Variants in KCND2 observed in about 807,000 individuals in gnomAD.
KCND2 encodes potassium voltage-gated channel subfamily D member 2.
Under a neutral mutation model 54.4 loss-of-function variants are expected in KCND2, and 16 were observed. The ratio of observed to expected loss-of-function variants is 0.29; its 90% CI spans 0.20 to 0.45. The LOEUF (loss-of-function observed/expected upper bound fraction) is 0.45, where lower values mean the gene tolerates loss of function less well. Ranked by LOEUF, KCND2 falls within the 20% of genes least tolerant of loss-of-function variation. KCND2 has a pLI of 1.00. For missense variants in KCND2, 486 were observed against 824.2 expected (o/e 0.59, Z 5.02); for synonymous variants, 317 against 310.7 (o/e 1.02, Z -0.21).
chr7:120,586,156 C>G (rs1162353169), intron 1 of KCND2, among the ~76,000 whole-genome samples: 1 of 151,816 alleles, frequency 6.6e-6, no homozygotes, highest in Non-Finnish European at 1.5e-5. Context: ...TAGCTGTATA[C>G]TCACACACAG....
chr7:120,315,858 A>T (rs960913930), intron 1 of KCND2, among the ~76,000 whole-genome samples: 2 of 151,532 alleles, frequency 1.3e-5, no homozygotes, highest in African/African-American at 4.9e-5. Flanking sequence ...TGGACTAAAA[A>T]TTTGATCCAT....
chr7:120,353,627 T>C (rs1026379083), intron 1 of KCND2, among the ~76,000 whole-genome samples: 1 of 152,082 alleles, frequency 6.6e-6, no homozygotes, highest in Non-Finnish European at 1.5e-5. Flanking sequence ...AGACTATCTA[T>C]AGGGCGTCTA....
chr7:120,572,786 G>A (rs1182805654), intron 1 of KCND2, among the ~76,000 whole-genome samples: 2 of 152,170 alleles, frequency 1.3e-5, no homozygotes, highest in Non-Finnish European at 2.9e-5. Context: ...GCATCCCAAA[G>A]TACTAGAATT....
chr7:120,519,019 G>A (rs529191958), intron 1 of KCND2, among the ~76,000 whole-genome samples: 1 of 152,020 alleles, frequency 6.6e-6, no homozygotes, highest in African/African-American at 2.4e-5. Context: ...AAATGGAGGG[G>A]CAATGTGATA....
chr7:120,548,898 G>A (rs374656099), intron 1 of KCND2, among the ~76,000 whole-genome samples: 5 of 152,216 alleles, frequency 3.3e-5, no homozygotes, highest in African/African-American at 9.6e-5. Flanking sequence ...AAAAGTGAGG[G>A]ATACACTTTG....
intron 1 of KCND2, among the ~76,000 whole-genome samples, chr7:120,524,773 A>C (rs1791752604): frequency 6.6e-6 from 1 of 152,206 alleles, no homozygotes; most frequent in Non-Finnish European, 1.5e-5. Context: ...TAAAATACTC[A>C]CAAGAGATAC....
chr7:120,432,126 GTT>G (rs1375122713), intron 1 of KCND2, among the ~76,000 whole-genome samples: 1 of 152,020 alleles, frequency 6.6e-6, no homozygotes, highest in Non-Finnish European at 1.5e-5. Context: ...GTCATTACTT[GTT>G]CCTTGAGTAT....
At chr7:120,664,644 A>G (rs1163613557) in intron 1 of KCND2, among the ~76,000 whole-genome samples, 1 of 152,098 alleles carries the variant, frequency 6.6e-6, no homozygotes, top group Non-Finnish European at 1.5e-5. Context: ...TAGGTTTTCA[A>G]GCACAAGTAA....
intron 1 of KCND2, among the ~76,000 whole-genome samples, chr7:120,560,421 G>A (rs17281865): frequency 0.086 from 13,021 of 152,090 alleles, 640 homozygotes; most frequent in South Asian, 0.089. Flanking sequence ...ACGGAAAAGC[G>A]ACAGTAAAAT....
chr7:120,691,935 G>C (rs1792274471), intron 1 of KCND2, among the ~76,000 whole-genome samples: 1 of 152,200 alleles, frequency 6.6e-6, no homozygotes, highest in South Asian at 2.1e-4. Flanking sequence ...TTTCAAGGAG[G>C]ACCTTGTGGT....
intron 1 of KCND2, among the ~76,000 whole-genome samples, chr7:120,392,636 T>A (rs2116055717): frequency 6.6e-6 from 1 of 152,036 alleles, no homozygotes; most frequent in African/African-American, 2.4e-5. Flanking sequence ...TAAAAGTACG[T>A]TTTTCACGAC....
intron 1 of KCND2, among the ~76,000 whole-genome samples, chr7:120,531,527 A>G (rs1791843133): frequency 6.6e-6 from 1 of 151,996 alleles, no homozygotes; most frequent in Non-Finnish European, 1.5e-5. Context: ...CTCCTCAAAT[A>G]TTCTTCTCCA....
At chr7:120,634,673 T>C (rs112281902) in intron 1 of KCND2, among the ~76,000 whole-genome samples, 150 of 152,350 alleles carry the variant, frequency 9.8e-4, no homozygotes, top group African/African-American at 3.2e-3. Context: ...GACCATCTCC[T>C]TTCTATCCTC....
chr7:120,573,766 C>A (rs867038297), intron 1 of KCND2, among the ~76,000 whole-genome samples: 2 of 151,936 alleles, frequency 1.3e-5, no homozygotes, highest in African/African-American at 2.4e-5. Context: ...GATATAGTCA[C>A]AAAGTACTAA....
At chr7:120,595,460 A>AAAAAT (rs1418247126) in intron 1 of KCND2, among the ~76,000 whole-genome samples, 1 of 112,950 alleles carries the variant, frequency 8.9e-6, no homozygotes, top group African/African-American at 3.1e-5. Flanking sequence ...CCAAAAAAAA[A>AAAAAT]ATATATATAT....
intron 1 of KCND2, among the ~76,000 whole-genome samples, chr7:120,328,210 GGTATT>G (rs1230428756): frequency 6.6e-6 from 1 of 151,986 alleles, no homozygotes; most frequent in Non-Finnish European, 1.5e-5. Context: ...GCTCTTATGA[GGTATT>G]GTTATTGAAA....
intron 1 of KCND2, among the ~76,000 whole-genome samples, chr7:120,411,642 T>C (rs1020298090): frequency 1.3e-5 from 2 of 151,952 alleles, no homozygotes; most frequent in Admixed American, 1.3e-4. Flanking sequence ...TGAGTACCAA[T>C]ATGCAGAAAG....
intron 1 of KCND2, among the ~76,000 whole-genome samples, chr7:120,661,852 G>A (rs1791869896): frequency 1.3e-5 from 2 of 152,096 alleles, no homozygotes; most frequent in Admixed American, 1.3e-4. Context: ...ATATGCTACA[G>A]CCAAAATATG....
intron 2 of KCND2, 25 bp from the exon 3 acceptor site, chr7:120,741,508 TG>T: frequency 6.8e-7 from 1 of 1,461,548 alleles, no homozygotes; most frequent in Non-Finnish European, 9.6e-7. Context: ...TAAATGTTAA[TG>T]GGATGTTTAT....
Sources: allele counts gnomAD v4.1 joint callset (sites outside exome capture counted in the v4.1 genomes callset), GRCh38; gene constraint gnomAD v4.1.1; transcripts MANE v1.5; gene names NCBI Gene and HGNC (gene_info 2026-07-23, HGNC 2026-07-21).